Variants in TRPV4 observed in about 807,000 individuals in gnomAD.
The protein encoded by TRPV4 is transient receptor potential cation channel subfamily V member 4.
TRPV4 carries 58 observed loss-of-function variants against 84.1 expected under a neutral mutation model. The ratio of observed to expected loss-of-function variants is 0.69; its 90% confidence interval spans 0.56 to 0.86. The LOEUF (loss-of-function observed/expected upper bound fraction) is 0.86. Ranked by LOEUF, TRPV4 falls within the 40% of genes least tolerant of loss-of-function variation. TRPV4 has a pLI of 0.00. For missense variants in TRPV4, 879 were observed against 1,181.1 expected, an observed-to-expected ratio of 0.74 and a Z score of 3.75; for synonymous variants, 489 against 500.9, an observed-to-expected ratio of 0.98 and a Z score of 0.32.
intron 1 of TRPV4, among the ~76,000 whole-genome samples, chr12:109,816,426 T>C (rs1891845290): frequency 6.6e-6 from 1 of 152,098 alleles, no homozygotes; most frequent in South Asian, 2.1e-4. Flanking sequence ...CACTTCTTCA[T>C]AGGGTTGCAG....
Position 109,815,168 on chromosome 12 carries a change from G to A in TRPV4, c.-31-341C>T, listed in dbSNP as rs1309089018. Among the ~76,000 whole-genome samples, 1 of 152,200 alleles carries A rather than the reference G, an allele frequency of 6.6e-6. No homozygotes were observed. The highest frequency in any genetic ancestry group is 2.4e-5 in the African/African-American group (1 of 41,456). ...CAAGAAAGCCAGCTTTGGAGCCCCA[G>A]AGAGCCAAGTTCAAATCCAGGCTCC... On this transcript the variant is annotated intron_variant, in intron 1 of 15. Coordinates refer to ENST00000261740, the MANE Select transcript of TRPV4 (RefSeq NM_021625.5). The surrounding 1 kb of genome is among the most constrained non-coding windows in gnomAD (Gnocchi z 4.1).
Position 109,786,742 on chromosome 12 carries a change from C to G in TRPV4, c.2304G>C (p.Ser768=), listed in dbSNP as rs138986228. The change falls in exon 14 of 16, where the codon TCG becomes TCC. Residue 768 remains serine (S), a synonymous_variant. Coordinates refer to ENST00000261740, the MANE Select transcript of TRPV4 (RefSeq NM_021625.5). The surrounding 1 kb of genome is among the most constrained non-coding windows in gnomAD (Gnocchi z 4.5). ...SGEMVTVGKS[S]DGTPDRRWCF... is the part of the protein sequence containing the mutation. ...ACCACCTGCGGTCAGGAGTGCCGTC[C>G]GAGCTCTTGCCCACGGTGACCATCT... The G allele has an allele frequency of 4.9e-4, 794 of 1,613,926 alleles. No homozygotes were observed. The highest frequency in any genetic ancestry group is 8.2e-4 in the Middle Eastern group (5 of 6,062).
At chr12:109,828,368 AG>A (rs1221785426) in intron 1 of TRPV4, among the ~76,000 whole-genome samples, 1 of 152,140 alleles carries the variant, frequency 6.6e-6, no homozygotes. Flanking sequence ...ACCAATGCTC[AG>A]GAAGGGGCTA....
At chr12:109,792,291 C>T in intron 12 of TRPV4, 72 bp downstream of exon 12, 1 of 1,295,580 alleles carries the variant, frequency 7.7e-7, no homozygotes, top group African/African-American at 1.5e-5. Context: ...GCTATTGTCC[C>T]CTATACATCA....
rs1891823147 is a variant in TRPV4 at position 109,815,967 on chromosome 12, T to C, written c.-31-1140A>G. On this transcript the variant is annotated intron_variant, in intron 1 of 15. Coordinates refer to ENST00000261740, the MANE Select transcript of TRPV4 (RefSeq NM_021625.5). The surrounding 1 kb of genome is among the most constrained non-coding windows in gnomAD (Gnocchi z 4.1). ...GGTTGGCTGTCAGTGCCCTGCTCTCTGTAGCATGGTGCCAGCCAGGCAGGG... is the reference window on the plus strand; with the variant it reads ...GGTTGGCTGTCAGTGCCCTGCTCTCCGTAGCATGGTGCCAGCCAGGCAGGG... Among the ~76,000 whole-genome samples the C allele has an allele frequency of 6.6e-6, 1 of 152,216 alleles. No individual in the cohort carries two copies. Among genetic ancestry groups the C allele is most frequent in the Non-Finnish European group, 1.5e-5 (1 of 68,030 alleles).
chr12:109,793,439 A>G lies in TRPV4; in HGVS notation c.1658+88T>C, dbSNP rs1161194957. ...GGTTGGGTGCATTCATTTCTAACAG[A>G]ATCACCTCTCTCCTGAATCTGGACG... On this transcript the variant is annotated intron_variant, in intron 10 of 15. Transcript: ENST00000261740. This position sits in a 1 kb window ranked among gnomAD's most constrained non-coding sequence, Gnocchi z 4.0. 1 of 1,172,292 alleles carries G rather than the reference A, an allele frequency of 8.5e-7. No homozygotes were observed. The highest frequency in any genetic ancestry group is 2.3e-5 in the East Asian group (1 of 42,784). The allele number at this position is 1,172,292 out of a possible 1,614,324, so 72.6% of individuals were successfully genotyped here.
In TRPV4 at chr12:109,792,830, A is replaced by G. The variant is rs1164750686; in HGVS notation, c.1659-13T>C. ...AGAGTAGATGAAGCTGCAGTGCAGCAGAGACCACAAGAGAGGCCAGAGGGG... is the reference window on the plus strand; with the variant it reads ...AGAGTAGATGAAGCTGCAGTGCAGCGGAGACCACAAGAGAGGCCAGAGGGG... On this transcript the variant is annotated splice_polypyrimidine_tract_variant and intron_variant, in intron 10 of 15. Transcript: ENST00000261740. 1 of 1,613,074 alleles carries G rather than the reference A, an allele frequency of 6.2e-7. No individual in the cohort carries two copies. The highest frequency in any genetic ancestry group is 8.5e-7 in the Non-Finnish European group (1 of 1,179,976).
rs375360273 is a variant in TRPV4 at position 109,794,324 on chromosome 12, C to T, written c.1491+5G>A. On this transcript the variant is annotated splice_donor_5th_base_variant and intron_variant, in intron 8 of 15. Transcript: ENST00000261740. ...CCAGCCCCTGCCCGGTCCCCGGGCACTCACTGTGCCCTCCAGCGGCTGGTA... is the reference window on the plus strand; with the variant it reads ...CCAGCCCCTGCCCGGTCCCCGGGCATTCACTGTGCCCTCCAGCGGCTGGTA... 7 of 1,611,666 alleles carry T rather than the reference C, an allele frequency of 4.3e-6. No homozygotes were observed. The highest frequency in any genetic ancestry group is 5.9e-6 in the Non-Finnish European group (7 of 1,180,016).
chr12:109,800,773 C>T lies in TRPV4; in HGVS notation c.713-15G>A, dbSNP rs564244414. The T allele has an allele frequency of 1.7e-5, 26 of 1,573,686 alleles. No individual in the cohort carries two copies. The highest frequency in any genetic ancestry group is 1.7e-4 in the Middle Eastern group (1 of 5,878). On this transcript the variant is annotated splice_polypyrimidine_tract_variant and intron_variant, in intron 4 of 15. Coordinates refer to ENST00000261740, the MANE Select transcript of TRPV4 (RefSeq NM_021625.5). ...GGCTGTCTGACCTGGGGGCAGGGGA[C>T]GGTCATCCAGGGTCCTGGCGGAGCA...
At chr12:109,807,463 C>T (rs1053755776) in intron 3 of TRPV4, among the ~76,000 whole-genome samples, 30 of 151,238 alleles carry the variant, frequency 2.0e-4, no homozygotes, top group Non-Finnish European at 3.4e-4. Context: ...TCACTGCAGC[C>T]TGAGCCTCCC....
chr12:109,821,616 G>C (rs879294837), intron 1 of TRPV4, among the ~76,000 whole-genome samples: 1 of 151,858 alleles, frequency 6.6e-6, no homozygotes, highest in East Asian at 1.9e-4. Flanking sequence ...TGCAACCTCC[G>C]CCTCCTGGGT....
At chr12:109,823,283 G>T (rs1406470685) in intron 1 of TRPV4, among the ~76,000 whole-genome samples, 1 of 152,218 alleles carries the variant, frequency 6.6e-6, no homozygotes, top group African/African-American at 2.4e-5. Context: ...CCAGTGTCCT[G>T]CTGGGCCCCC....
intron 3 of TRPV4, among the ~76,000 whole-genome samples, chr12:109,807,991 C>T (rs188231210): frequency 6.6e-6 from 1 of 152,162 alleles, no homozygotes; most frequent in Non-Finnish European, 1.5e-5. Context: ...GGTCACACAT[C>T]GCTTAACTGG....
At chr12:109,817,015 C>G (rs1482703255) in intron 1 of TRPV4, among the ~76,000 whole-genome samples, 3 of 152,172 alleles carry the variant, frequency 2.0e-5, no homozygotes, top group African/African-American at 7.2e-5. Flanking sequence ...GTGACCACGC[C>G]TCCTCCTAGG....
intron 7 of TRPV4, among the ~76,000 whole-genome samples, chr12:109,795,345 T>C (rs1388705837): frequency 6.6e-6 from 1 of 152,146 alleles, no homozygotes; most frequent in Non-Finnish European, 1.5e-5. Context: ...CACCACTAAT[T>C]TAAATCAAGA....
chr12:109,792,553 C>A, intron 11 of TRPV4, 99 bp downstream of exon 11: 1 of 1,580,130 alleles, frequency 6.3e-7, no homozygotes, highest in Non-Finnish European at 8.7e-7. Context: ...CCCCACGGTA[C>A]CCAGCATCCT....
intron 12 of TRPV4, among the ~76,000 whole-genome samples, chr12:109,790,991 C>A (rs959004361): frequency 2.3e-4 from 35 of 152,244 alleles, no homozygotes; most frequent in Admixed American, 5.9e-4. Context: ...CAGCCAGCAG[C>A]CAGCCTGCCA....
Position 109,791,810 on chromosome 12 carries a change from CTAGT to C in TRPV4, c.1891+549_1891+552del, listed in dbSNP as rs763327515. Among the ~76,000 whole-genome samples the C allele has an allele frequency of 1.0e-3, 157 of 151,982 alleles. 1 individual carries two copies. The highest frequency in any genetic ancestry group is 9.7e-4 in the Non-Finnish European group (66 of 67,972). On this transcript the variant is annotated intron_variant, in intron 12 of 15. Coordinates refer to ENST00000261740, the MANE Select transcript of TRPV4 (RefSeq NM_021625.5). ...CCATTCACTGGCTTTTGAACTTGTG[CTAGT>C]TATTTAACCCTCCTAAGCCTCAGTT... is the stretch of plus-strand genomic sequence containing the variant.
At chr12:109,826,782 T>C (rs1341762408) in intron 1 of TRPV4, among the ~76,000 whole-genome samples, 1 of 152,202 alleles carries the variant, frequency 6.6e-6, no homozygotes, top group Non-Finnish European at 1.5e-5. Context: ...ACGGATCACT[T>C]GACCTCTCCG....
Sources: gnomAD v4.1 joint callset for allele counts (sites outside exome capture counted in the v4.1 genomes callset) on GRCh38, gnomAD v4.1.1 for gene constraint, Gnocchi (gnomAD v3.1) non-coding constraint, MANE v1.5 for transcripts, NCBI Gene and HGNC (gene_info 2026-07-23, HGNC 2026-07-21) for gene names.